LYPLAL1: variants seen among roughly 807,000 people sequenced by gnomAD.
The protein encoded by LYPLAL1 is lysophospholipase-like protein 1.
A neutral mutation model predicts 19.7 loss-of-function variants in LYPLAL1; 23 were observed. The observed-to-expected ratio is 1.17, with a 90% CI of 0.84 to 1.65. The LOEUF (loss-of-function observed/expected upper bound fraction) is 1.65. Among genes scored for constraint, LYPLAL1 ranks in the 40% most tolerant of loss-of-function variants. The pLI is 0.00. For missense variants in LYPLAL1, 355 were observed against 279.4 expected (o/e 1.27, Z -1.93); for synonymous variants, 119 against 96.3 (o/e 1.24, Z -1.38).
the LYPLAL1 span, among the ~76,000 whole-genome samples, chr1:219,387,194 C>T: frequency 6.6e-6 from 1 of 152,176 alleles, no homozygotes; most frequent in African/African-American, 2.4e-5. Flanking sequence ...CATTCAGCTG[C>T]TCCTGCCTGG....
chr1:219,414,391 T>C, the LYPLAL1 span, among the ~76,000 whole-genome samples: 3 of 152,202 alleles, frequency 2.0e-5, no homozygotes, highest in African/African-American at 7.2e-5. Context: ...TGGCACTCAA[T>C]GGAGCCTCAG....
chr1:219,223,071 A>G, the LYPLAL1 span: 1 of 152,006 alleles, frequency 6.6e-6, no homozygotes, highest in Non-Finnish European at 1.5e-5. Context: ...ATACATTCAA[A>G]CCATAGCAGT....
At chr1:219,373,632 G>C in the LYPLAL1 span, among the ~76,000 whole-genome samples, 3 of 151,974 alleles carry the variant, frequency 2.0e-5, no homozygotes, top group East Asian at 1.9e-4. Context: ...GTAACAATTG[G>C]AATCTAACTA....
chr1:219,220,064 A>G, the LYPLAL1 span, among the ~76,000 whole-genome samples: 3 of 152,072 alleles, frequency 2.0e-5, no homozygotes, highest in Non-Finnish European at 4.4e-5. Flanking sequence ...TGCTTTCCCT[A>G]TAATAATTTT....
chr1:219,184,907 A>G (rs1362166532), intron 2 of LYPLAL1, among the ~76,000 whole-genome samples: 1 of 151,356 alleles, frequency 6.6e-6, no homozygotes, highest in Non-Finnish European at 1.5e-5. Context: ...TGCCTTTGAA[A>G]AACGTTATCA....
chr1:219,278,268 G>T, the LYPLAL1 span, among the ~76,000 whole-genome samples: 1 of 152,090 alleles, frequency 6.6e-6, no homozygotes, highest in Non-Finnish European at 1.5e-5. Context: ...AGAGAATCAA[G>T]CCTCTTTTTG....
chr1:219,378,621 T>G, the LYPLAL1 span, among the ~76,000 whole-genome samples: 4 of 151,768 alleles, frequency 2.6e-5, no homozygotes, highest in African/African-American at 7.3e-5. Context: ...GAGAGAAGGT[T>G]CTCCATCCGA....
At chr1:219,199,536 G>A (rs1234827059) in intron 3 of LYPLAL1, among the ~76,000 whole-genome samples, 1 of 151,494 alleles carries the variant, frequency 6.6e-6, no homozygotes. Context: ...TCCACCTCCT[G>A]GGTTCAAGCA....
At chr1:219,291,207 C>T in the LYPLAL1 span, among the ~76,000 whole-genome samples, 5 of 152,202 alleles carry the variant, frequency 3.3e-5, no homozygotes, top group Non-Finnish European at 7.4e-5. Context: ...AAGGAAAATA[C>T]TCAAATAATA....
intron 1 of LYPLAL1, chr1:219,175,138 A>G (rs554358119): frequency 4.1e-6 from 4 of 977,500 alleles, no homozygotes; most frequent in Non-Finnish European, 4.9e-6. Context: ...AGACAGGTTC[A>G]GCAGCTTGGC....
chr1:219,215,280 T>A (rs1457042106), downstream of LYPLAL1, among the ~76,000 whole-genome samples: 1 of 152,182 alleles, frequency 6.6e-6, no homozygotes, highest in Non-Finnish European at 1.5e-5. Flanking sequence ...TTTAAACATG[T>A]TGTTTTCCTA....
chr1:219,183,597 A>G (rs759967364), intron 2 of LYPLAL1, among the ~76,000 whole-genome samples: 2 of 151,914 alleles, frequency 1.3e-5, no homozygotes, highest in East Asian at 1.9e-4. Context: ...GTCAACTCCC[A>G]TCTCATGTAT....
chr1:219,255,642 G>A, the LYPLAL1 span, among the ~76,000 whole-genome samples: 1 of 151,814 alleles, frequency 6.6e-6, no homozygotes, highest in East Asian at 1.9e-4. Flanking sequence ...TTGCACAGGA[G>A]TGACAAGAGT....
the LYPLAL1 span, among the ~76,000 whole-genome samples, chr1:219,432,734 G>A: frequency 8.5e-5 from 13 of 152,158 alleles, no homozygotes; most frequent in Non-Finnish European, 1.3e-4. Context: ...GGGAGTCCAC[G>A]TTCATAGTAG....
the LYPLAL1 span, among the ~76,000 whole-genome samples, chr1:219,279,977 G>A: frequency 3.9e-5 from 6 of 152,180 alleles, no homozygotes; most frequent in East Asian, 1.9e-4. Flanking sequence ...CTTTAAGAGA[G>A]CTCAAGATTA....
the LYPLAL1 span, among the ~76,000 whole-genome samples, chr1:219,251,188 C>T: frequency 2.6e-5 from 4 of 151,940 alleles, no homozygotes; most frequent in African/African-American, 4.8e-5. Flanking sequence ...AGACCTTTGT[C>T]AGGTGCATAG....
At chr1:219,235,155 T>C in the LYPLAL1 span, among the ~76,000 whole-genome samples, 8 of 152,316 alleles carry the variant, frequency 5.3e-5, no homozygotes, top group Admixed American at 4.6e-4. Context: ...GGGGCTTGAC[T>C]GCAGAACACA....
At chr1:219,319,742 AC>A in the LYPLAL1 span, among the ~76,000 whole-genome samples, 1 of 152,074 alleles carries the variant, frequency 6.6e-6, no homozygotes, top group Admixed American at 6.6e-5. Flanking sequence ...ACACTGACTC[AC>A]CCCCTTCTAC....
chr1:219,193,841 G>T (rs1657393034), intron 3 of LYPLAL1, among the ~76,000 whole-genome samples: 1 of 151,748 alleles, frequency 6.6e-6, no homozygotes, highest in Admixed American at 6.6e-5. Context: ...GTGAGATGGG[G>T]CATGTAGAAT....
Sources: gnomAD v4.1 joint callset for allele counts (sites outside exome capture counted in the v4.1 genomes callset) on GRCh38, gnomAD v4.1.1 for gene constraint, MANE v1.5 for transcripts, NCBI Gene and HGNC (gene_info 2026-07-23, HGNC 2026-07-21) for gene names.